Variants in ARNT2 observed in about 807,000 individuals in gnomAD.
The protein encoded by ARNT2 is ARNT protein 2.
In ARNT2, 36 loss-of-function variants were observed where a neutral mutation model predicts 91.7. The observed-to-expected ratio is 0.39, with a 90% CI of 0.30 to 0.52. The LOEUF (loss-of-function observed/expected upper bound fraction) is 0.52. Among genes scored for constraint, ARNT2 ranks in the 20% least tolerant of loss-of-function variants. The pLI, the probability that ARNT2 is intolerant of heterozygous loss-of-function variation, is 0.72. For missense variants in ARNT2, 775 were observed against 939.3 expected, an observed-to-expected ratio of 0.83 and a Z score of 2.29; for synonymous variants, 365 against 347.1, an observed-to-expected ratio of 1.05 and a Z score of -0.57.
Position 80,595,821 on chromosome 15 carries a change from C to T in ARNT2, c.*2123C>T, listed in dbSNP as rs547940720. 3.2e-4 allele frequency: 49 copies of T among 152,360 alleles called. 1 individual carries two copies. In the East Asian group the frequency reaches 7.7e-3, roughly 24 times the overall value. 9.4% of individuals were successfully genotyped at this position (152,360 alleles called of 1,614,324 possible). A position where few individuals can be genotyped will look rare whatever the true frequency, so the allele number is the denominator to read the frequency against. ...TGGGCCTTTCTCTGCCTGCCCTGCC[C>T]TTGGGGCCACCTCTGCCTCCAGCAG... On this transcript the variant is annotated 3_prime_UTR_variant, in exon 19 of 19. Transcript: ENST00000303329.
At chr15:80,506,055 G>C (rs1897271574) in intron 5 of ARNT2, among the ~76,000 whole-genome samples, 1 of 149,604 alleles carries the variant, frequency 6.7e-6, no homozygotes, top group African/African-American at 2.5e-5. Context: ...TCCTGCCTCA[G>C]CCTCCCGAGT....
intron 5 of ARNT2, among the ~76,000 whole-genome samples, chr15:80,486,648 A>G (rs1327087881): frequency 1.3e-5 from 2 of 152,178 alleles, no homozygotes; most frequent in Admixed American, 6.5e-5. Context: ...TTATGCATTC[A>G]CTGATGGATC....
intron 14 of ARNT2, among the ~76,000 whole-genome samples, chr15:80,576,507 C>A (rs1005458723): frequency 2.0e-5 from 3 of 152,106 alleles, no homozygotes; most frequent in Admixed American, 6.5e-5. Context: ...GAACTCCTGA[C>A]CTCAAGTGAT....
intron 1 of ARNT2, among the ~76,000 whole-genome samples, chr15:80,425,394 C>A (rs1461857678): frequency 6.6e-6 from 1 of 151,924 alleles, no homozygotes; most frequent in Non-Finnish European, 1.5e-5. Context: ...CCTTCTGAGA[C>A]AAAAGAAATA....
intron 11 of ARNT2, among the ~76,000 whole-genome samples, chr15:80,558,546 G>T (rs1266495482): frequency 6.6e-6 from 1 of 151,898 alleles, no homozygotes; most frequent in Non-Finnish European, 1.5e-5. Flanking sequence ...CACCATGTTG[G>T]CCAGGCTGGT....
intron 14 of ARNT2, 100 bp from the exon 15 acceptor site, chr15:80,576,766 C>T (rs890511230): frequency 2.8e-5 from 36 of 1,276,038 alleles, no homozygotes; most frequent in Admixed American, 1.0e-4. Flanking sequence ...TGTGTCCTCC[C>T]GTTCCCACGC....
intron 6 of ARNT2, among the ~76,000 whole-genome samples, chr15:80,510,735 A>C (rs1897329668): frequency 6.6e-6 from 1 of 152,180 alleles, no homozygotes; most frequent in South Asian, 2.1e-4. Flanking sequence ...AGGCTGAGGC[A>C]GGAGAATTGC....
At chr15:80,406,296 C>A (rs1895600444) in intron 1 of ARNT2, among the ~76,000 whole-genome samples, 1 of 152,208 alleles carries the variant, frequency 6.6e-6, no homozygotes, top group Non-Finnish European at 1.5e-5. Context: ...ACAAGGAGGC[C>A]TCTGTCCAGA....
chr15:80,464,891 G>A (rs1896629701), intron 3 of ARNT2, among the ~76,000 whole-genome samples: 1 of 152,184 alleles, frequency 6.6e-6, no homozygotes, highest in Non-Finnish European at 1.5e-5. Flanking sequence ...GCTCCTGACA[G>A]CTGACCAGGA....
chr15:80,494,393 T>G (rs2141413928), intron 5 of ARNT2, among the ~76,000 whole-genome samples: 1 of 152,344 alleles, frequency 6.6e-6, no homozygotes, highest in African/African-American at 2.4e-5. Context: ...TGGCATATAC[T>G]GGGCTGCCTT....
chr15:80,560,464 G>T (rs187234727), intron 11 of ARNT2, among the ~76,000 whole-genome samples: 1 of 152,128 alleles, frequency 6.6e-6, no homozygotes, highest in Non-Finnish European at 1.5e-5. Context: ...AGAACTGCCC[G>T]CTCCCTTGTT....
intron 3 of ARNT2, among the ~76,000 whole-genome samples, chr15:80,458,271 G>A (rs1896506930): frequency 6.6e-6 from 1 of 151,992 alleles, no homozygotes; most frequent in South Asian, 2.1e-4. Context: ...TTTTTAAAAA[G>A]TATTTTTAAA....
intron 2 of ARNT2, 59 bp downstream of exon 2, chr15:80,451,053 C>A: frequency 1.4e-6 from 2 of 1,471,814 alleles, no homozygotes; most frequent in Non-Finnish European, 1.9e-6. Context: ...ATGCTCTTGA[C>A]CTGTTAGGAA....
intron 5 of ARNT2, among the ~76,000 whole-genome samples, chr15:80,507,259 G>C (rs777733591): frequency 6.6e-6 from 1 of 152,208 alleles, no homozygotes; most frequent in Non-Finnish European, 1.5e-5. Context: ...AACCCCGTGG[G>C]GGGTGGGAGC....
chr15:80,463,958 G>A (rs541914744), intron 3 of ARNT2, among the ~76,000 whole-genome samples: 45 of 152,226 alleles, frequency 3.0e-4, no homozygotes, highest in African/African-American at 1.0e-3. Flanking sequence ...TATGCTACCC[G>A]CTTCAGTTTT....
intron 8 of ARNT2, among the ~76,000 whole-genome samples, chr15:80,546,996 C>T (rs563603780): frequency 2.5e-4 from 38 of 149,726 alleles, no homozygotes; most frequent in African/African-American, 8.6e-4. Flanking sequence ...AAACAATAAA[C>T]GGAAAGAAAG....
intron 6 of ARNT2, among the ~76,000 whole-genome samples, chr15:80,508,556 C>T (rs564826559): frequency 6.6e-6 from 1 of 152,298 alleles, no homozygotes; most frequent in South Asian, 2.1e-4. Flanking sequence ...AGACCCTTCT[C>T]CAATCCAACC....
chr15:80,503,892 G>A (rs950160193), intron 5 of ARNT2, among the ~76,000 whole-genome samples: 2 of 152,222 alleles, frequency 1.3e-5, no homozygotes, highest in African/African-American at 4.8e-5. Flanking sequence ...GCGCCATGCA[G>A]TCTGCAGAGC....
intron 1 of ARNT2, among the ~76,000 whole-genome samples, chr15:80,442,407 G>A (rs79229304): frequency 0.091 from 13,850 of 152,190 alleles, 830 homozygotes; most frequent in Non-Finnish European, 0.14. Context: ...AAATTACTAG[G>A]CTCTGTGCCT....
Sources: gnomAD v4.1 joint callset for allele counts (sites outside exome capture counted in the v4.1 genomes callset) on GRCh38, gnomAD v4.1.1 for gene constraint, MANE v1.5 for transcripts, NCBI Gene and HGNC (gene_info 2026-07-23, HGNC 2026-07-21) for gene names.